UVRAG: variants seen among roughly 807,000 people sequenced by gnomAD.
UVRAG encodes the protein UV radiation resistance associated.
A neutral mutation model predicts 78.0 loss-of-function variants in UVRAG; 19 were observed. The ratio of observed to expected loss-of-function variants is 0.24; its 90% CI spans 0.17 to 0.36. The LOEUF (loss-of-function observed/expected upper bound fraction) is 0.36, where lower values mean the gene tolerates loss of function less well. UVRAG is among the 10% of genes least tolerant of loss of function. The pLI, the probability that UVRAG is intolerant of heterozygous loss-of-function variation, is 1.00. For missense variants in UVRAG, 740 were observed against 853.8 expected, an observed-to-expected ratio of 0.87 and a Z score of 1.66; for synonymous variants, 323 against 324.6, an observed-to-expected ratio of 1.00 and a Z score of 0.05.
At chr11:76,101,077 CAT>C (rs1447142725) in intron 13 of UVRAG, among the ~76,000 whole-genome samples, 2 of 151,298 alleles carry the variant, frequency 1.3e-5, no homozygotes, top group Non-Finnish European at 2.9e-5. Context: ...CATACACGTG[CAT>C]ATGTCTTTAT....
intron 3 of UVRAG, among the ~76,000 whole-genome samples, chr11:75,877,938 G>A (rs1170606622): frequency 3.3e-5 from 5 of 150,892 alleles, no homozygotes; most frequent in African/African-American, 1.2e-4. Flanking sequence ...CCTCCTGGAC[G>A]GGGCGGCTGG....
chr11:75,961,671 G>A, intron 7 of UVRAG, 122 bp downstream of exon 7: 1 of 645,598 alleles, frequency 1.5e-6, no homozygotes, highest in Non-Finnish European at 2.4e-6. Context: ...TGTCCACAGA[G>A]AGTTCTATTG....
chr11:75,872,803 G>C (rs1292244544), intron 3 of UVRAG, among the ~76,000 whole-genome samples: 8 of 152,210 alleles, frequency 5.3e-5, no homozygotes, highest in Non-Finnish European at 1.2e-4. Context: ...AGCTTCTCCT[G>C]AAAAATTGGG....
At chr11:75,829,425 A>C (rs974560545) in intron 1 of UVRAG, among the ~76,000 whole-genome samples, 4 of 152,274 alleles carry the variant, frequency 2.6e-5, no homozygotes, top group African/African-American at 9.6e-5. Flanking sequence ...TGTAAAGATC[A>C]GTGTAATTGA....
At chr11:75,832,499 A>G (rs577291162) in intron 1 of UVRAG, among the ~76,000 whole-genome samples, 4 of 152,332 alleles carry the variant, frequency 2.6e-5, no homozygotes, top group African/African-American at 9.6e-5. Flanking sequence ...TAAATAGGGC[A>G]AGGTATGGGG....
In UVRAG at chr11:75,879,998, A is replaced by C. The variant is rs1946901741; in HGVS notation, c.390A>C (p.Glu130Asp). The C allele has an allele frequency of 6.2e-7, 1 of 1,614,076 alleles. No homozygotes were observed. Among genetic ancestry groups the C allele is most frequent in the Admixed American group, 1.7e-5 (1 of 60,002 alleles). Reference sequence around the variant, plus strand: ...AGAACATCTACCAGCTGTTGATTGAATGGAAAGTCTGTTTGGATGGGCTGA... The same window carrying C: ...AGAACATCTACCAGCTGTTGATTGACTGGAAAGTCTGTTTGGATGGGCTGA... ...GKENIYQLLI[E>D]WKVCLDGLKY... Residue 130 changes from glutamate to aspartate, a missense_variant, in exon 4 of 15, where the codon GAA (glutamate) becomes GAC (aspartate). By Grantham distance (45) the Glu-to-Asp change is conservative. Transcript: ENST00000356136.
intron 1 of UVRAG, among the ~76,000 whole-genome samples, chr11:75,834,243 A>G (rs1406021179): frequency 6.6e-6 from 1 of 151,534 alleles, no homozygotes; most frequent in Non-Finnish European, 1.5e-5. Context: ...CATAATACAG[A>G]CCCTGCTCCC....
intron 1 of UVRAG, among the ~76,000 whole-genome samples, chr11:75,834,453 A>G (rs1172475512): frequency 1.3e-5 from 2 of 151,942 alleles, no homozygotes; most frequent in South Asian, 2.1e-4. Context: ...TGATTTTTCA[A>G]CTCTAATTCT....
At chr11:75,860,969 A>G (rs1450760459) in intron 2 of UVRAG, among the ~76,000 whole-genome samples, 2 of 151,994 alleles carry the variant, frequency 1.3e-5, no homozygotes, top group East Asian at 1.9e-4. Context: ...TTTAGTAGAG[A>G]TGGGGTTTCA....
intron 6 of UVRAG, among the ~76,000 whole-genome samples, chr11:75,928,423 C>T (rs1231220601): frequency 6.6e-6 from 1 of 152,042 alleles, no homozygotes; most frequent in African/African-American, 2.4e-5. Context: ...AGAGGTGTCC[C>T]AGAGGTCAAA....
chr11:75,962,711 A>G (rs1299081122), intron 7 of UVRAG, among the ~76,000 whole-genome samples: 1 of 152,134 alleles, frequency 6.6e-6, no homozygotes, highest in African/African-American at 2.4e-5. Context: ...GGGGAGGAAA[A>G]ATCACTAATT....
intron 7 of UVRAG, among the ~76,000 whole-genome samples, chr11:75,962,328 T>C (rs979203876): frequency 6.6e-6 from 1 of 152,162 alleles, no homozygotes; most frequent in African/African-American, 2.4e-5. Flanking sequence ...CCTTCTCAAC[T>C]TAGCAGAGGG....
intron 7 of UVRAG, among the ~76,000 whole-genome samples, chr11:75,963,793 TATC>T (rs1438082952): frequency 3.3e-5 from 5 of 152,216 alleles, no homozygotes; most frequent in Non-Finnish European, 5.9e-5. Flanking sequence ...TTTCTGCTGT[TATC>T]ATTTTGAATT....
chr11:75,922,457 A>T (rs1345631005), intron 6 of UVRAG, among the ~76,000 whole-genome samples: 1 of 151,966 alleles, frequency 6.6e-6, no homozygotes, highest in East Asian at 1.9e-4. Flanking sequence ...CTTTTTTGGC[A>T]TACACATTAT....
Position 75,912,010 on chromosome 11 carries a change from C to T in UVRAG, c.564C>T (p.Arg188=), listed in dbSNP as rs1947750556. 1 of 1,612,996 alleles carries T rather than the reference C, an allele frequency of 6.2e-7. No individual in the cohort carries two copies. The highest frequency in any genetic ancestry group is 8.5e-7 in the Non-Finnish European group (1 of 1,179,386). The change falls in exon 6 of 15, where the codon CGC becomes CGT. Residue 188 remains arginine (R), a synonymous_variant. Transcript: ENST00000356136. The stretch of plus-strand genomic sequence containing the variant: ...TGCAGGTGGATCAGAACTGTGTTCG[C>T]AATTCTTACGATGTCTTCTCTTTGC... The part of the protein sequence containing the change: ...ILLQVDQNCV[R]NSYDVFSLLR...
rs2134453219 is a variant in UVRAG, at chr11:76,107,172, T to G, written c.1306-8752T>G. Reference sequence around the variant, plus strand: ...TAAGATTCCAAAGCAAAGGACCATCTTAATTGAAATATTTTTAATATGGCA... The same window carrying G: ...TAAGATTCCAAAGCAAAGGACCATCGTAATTGAAATATTTTTAATATGGCA... On this transcript the variant is annotated intron_variant, in intron 13 of 14. Coordinates refer to ENST00000356136, the MANE Select transcript of UVRAG (RefSeq NM_003369.4). 1.3e-5 allele frequency among the ~76,000 whole-genome samples: 2 copies of G among 152,360 alleles called. 1 individual carries two copies. Among genetic ancestry groups the G allele is most frequent in the South Asian group, 4.1e-4 (2 of 4,830 alleles).
chr11:75,842,525 T>G (rs936376244), intron 1 of UVRAG, among the ~76,000 whole-genome samples: 1 of 143,950 alleles, frequency 6.9e-6, no homozygotes, highest in African/African-American at 2.6e-5. Flanking sequence ...CACTGCAACC[T>G]CCCCCTCCTG....
intron 1 of UVRAG, among the ~76,000 whole-genome samples, chr11:75,832,452 A>G (rs1590911032): frequency 6.6e-6 from 1 of 152,244 alleles, no homozygotes; most frequent in Non-Finnish European, 1.5e-5. Context: ...TAGGTTTAGG[A>G]TAAAGGATAC....
chr11:76,092,610 G>A (rs1951721141), intron 13 of UVRAG, among the ~76,000 whole-genome samples: 1 of 152,218 alleles, frequency 6.6e-6, no homozygotes, highest in Non-Finnish European at 1.5e-5. Context: ...ATTTTGTCAT[G>A]TGTCTGTTGG....
Sources: allele counts gnomAD v4.1 joint callset (sites outside exome capture counted in the v4.1 genomes callset), GRCh38; gene constraint gnomAD v4.1.1; transcripts MANE v1.5; gene names NCBI Gene and HGNC (gene_info 2026-07-23, HGNC 2026-07-21).